TMEM132D: variants seen among roughly 807,000 people sequenced by gnomAD.
The protein encoded by TMEM132D is mature OL transmembrane protein.
Under a neutral mutation model 62.3 loss-of-function variants are expected in TMEM132D, and 21 were observed. That is an observed-to-expected ratio of 0.34 (90% confidence interval 0.24 to 0.49). The LOEUF (loss-of-function observed/expected upper bound fraction) is 0.49, where lower values mean the gene tolerates loss of function less well. Ranked by LOEUF, TMEM132D falls within the 20% of genes least tolerant of loss-of-function variation. TMEM132D has a pLI of 0.99. For missense variants in TMEM132D, 1,346 were observed against 1,402.8 expected, an observed-to-expected ratio of 0.96 and a Z score of 0.65; for synonymous variants, 621 against 575.6, an observed-to-expected ratio of 1.08 and a Z score of -1.13.
intron 1 of TMEM132D, among the ~76,000 whole-genome samples, chr12:129,890,185 A>C (rs184628807): frequency 6.6e-6 from 1 of 152,204 alleles, no homozygotes; most frequent in African/African-American, 2.4e-5. Flanking sequence ...GGGATCTCTC[A>C]GAGCTTGGGT....
At chr12:129,440,329 T>C (rs1292480081) in intron 3 of TMEM132D, among the ~76,000 whole-genome samples, 1 of 152,188 alleles carries the variant, frequency 6.6e-6, no homozygotes, top group Non-Finnish European at 1.5e-5. Flanking sequence ...GGTGAGTGTC[T>C]GAACCAAAAG....
At chr12:129,792,779 A>G (rs1161883921) in intron 1 of TMEM132D, among the ~76,000 whole-genome samples, 1 of 152,228 alleles carries the variant, frequency 6.6e-6, no homozygotes, top group Non-Finnish European at 1.5e-5. Context: ...AAAATTGAAC[A>G]GACATTATCG....
At chr12:129,389,611 A>T (rs1305273319) in intron 3 of TMEM132D, among the ~76,000 whole-genome samples, 1 of 152,248 alleles carries the variant, frequency 6.6e-6, no homozygotes, top group Admixed American at 6.5e-5. Flanking sequence ...ACTAATATTA[A>T]TATGAACACT....
chr12:129,720,891 G>C (rs1476818189), intron 1 of TMEM132D, among the ~76,000 whole-genome samples: 1 of 152,208 alleles, frequency 6.6e-6, no homozygotes, highest in Non-Finnish European at 1.5e-5. Flanking sequence ...CTGAGGGAAG[G>C]CAGTCTGCCC....
At chr12:129,474,091 C>T (rs575040273) in intron 3 of TMEM132D, among the ~76,000 whole-genome samples, 6 of 152,254 alleles carry the variant, frequency 3.9e-5, no homozygotes, top group South Asian at 4.1e-4. Context: ...CCTTCGCCTC[C>T]GAATAGTTCC....
At chr12:129,119,238 C>A (rs757876937) in intron 5 of TMEM132D, among the ~76,000 whole-genome samples, 1 of 152,158 alleles carries the variant, frequency 6.6e-6, no homozygotes. Flanking sequence ...TAGGAGTACA[C>A]GTAGATATAC....
chr12:129,486,907 G>A (rs1181603859), intron 3 of TMEM132D, among the ~76,000 whole-genome samples: 1 of 152,092 alleles, frequency 6.6e-6, no homozygotes, highest in Admixed American at 6.6e-5. Flanking sequence ...TGTCTTCATA[G>A]AGAAATAAAT....
At chr12:129,375,038 C>T (rs1424902246) in intron 3 of TMEM132D, among the ~76,000 whole-genome samples, 2 of 152,212 alleles carry the variant, frequency 1.3e-5, no homozygotes, top group Non-Finnish European at 2.9e-5. Flanking sequence ...AACCATGTCC[C>T]TGCATGGCAG....
At chr12:129,732,853 G>C (rs1256916774) in intron 1 of TMEM132D, among the ~76,000 whole-genome samples, 1 of 152,222 alleles carries the variant, frequency 6.6e-6, no homozygotes, top group Non-Finnish European at 1.5e-5. Flanking sequence ...GGCTGGGCTG[G>C]AGACTGAGTT....
At chr12:129,858,587 G>T (rs1297876600) in intron 1 of TMEM132D, among the ~76,000 whole-genome samples, 5 of 43,362 alleles carry the variant, frequency 1.2e-4, no homozygotes, top group African/African-American at 3.3e-4. Context: ...AACAGAGTCC[G>T]GGGAAACGGG....
At chr12:129,194,123 C>A (rs1878482075) in intron 5 of TMEM132D, among the ~76,000 whole-genome samples, 1 of 152,204 alleles carries the variant, frequency 6.6e-6, no homozygotes, top group African/African-American at 2.4e-5. Flanking sequence ...TCCTTGTTTT[C>A]ATTTAAGCTG....
chr12:129,889,994 T>C (rs1195114200), intron 1 of TMEM132D, among the ~76,000 whole-genome samples: 1 of 152,212 alleles, frequency 6.6e-6, no homozygotes, highest in East Asian at 1.9e-4. Flanking sequence ...ACATGACATG[T>C]ACGAGATATT....
chr12:129,690,056 A>C (rs1881026752), intron 2 of TMEM132D, among the ~76,000 whole-genome samples: 2 of 152,204 alleles, frequency 1.3e-5, no homozygotes, highest in South Asian at 4.1e-4. Context: ...GTAGTGATGA[A>C]TCACAGCAAT....
intron 1 of TMEM132D, among the ~76,000 whole-genome samples, chr12:129,739,869 C>G (rs922710529): frequency 6.6e-6 from 1 of 152,220 alleles, no homozygotes; most frequent in African/African-American, 2.4e-5. Flanking sequence ...TAATTAACAT[C>G]TCTGGCACTA....
intron 1 of TMEM132D, among the ~76,000 whole-genome samples, chr12:129,705,197 C>A (rs1186168340): frequency 1.3e-5 from 2 of 152,038 alleles, no homozygotes; most frequent in Non-Finnish European, 2.9e-5. Context: ...AATGAAGACA[C>A]CAGGAAAATG....
chr12:129,760,303 G>A (rs967619090), intron 1 of TMEM132D, among the ~76,000 whole-genome samples: 16 of 143,782 alleles, frequency 1.1e-4, no homozygotes, highest in Admixed American at 2.8e-4. Context: ...GCAACAGACA[G>A]AAATGATGTA....
chr12:129,340,329 T>G (rs1869428899), intron 3 of TMEM132D, among the ~76,000 whole-genome samples: 1 of 152,198 alleles, frequency 6.6e-6, no homozygotes. Context: ...TTATTATACT[T>G]TAAGTTCTAG....
rs1049203127 is a variant in TMEM132D, at chr12:129,513,835, T to A, written c.1115+17224A>T. On this transcript the variant is annotated intron_variant, in intron 3 of 8. Transcript: ENST00000422113. The stretch of plus-strand genomic sequence containing the variant: ...TTATTTATTTATTTATTTATTTATT[T>A]ATTTATTTATTTATTTTTTTGAGAC... 8.0e-4 allele frequency among the ~76,000 whole-genome samples: 113 copies of A among 141,866 alleles called. 1 individual carries two copies. The highest frequency in any genetic ancestry group is 3.3e-4 in the Non-Finnish European group (22 of 65,672). The allele number at this position is 141,866 out of a possible 152,430, so 93.1% of individuals were successfully genotyped here.
At chr12:129,173,092 G>A (rs1299325361) in intron 5 of TMEM132D, among the ~76,000 whole-genome samples, 1 of 152,132 alleles carries the variant, frequency 6.6e-6, no homozygotes, top group East Asian at 1.9e-4. Context: ...TAATAAAAAA[G>A]AAAAAGCTTG....
Sources: allele counts gnomAD v4.1 joint callset (sites outside exome capture counted in the v4.1 genomes callset), GRCh38; gene constraint gnomAD v4.1.1; transcripts MANE v1.5; gene names NCBI Gene and HGNC (gene_info 2026-07-23, HGNC 2026-07-21).